The following CFAP43 variants were observed in gnomAD, a reference collection of about 807,000 sequenced individuals.
CFAP43 encodes the protein cilia- and flagella-associated protein 43.
A neutral mutation model predicts 218.9 loss-of-function variants in CFAP43; 155 were observed. That is an observed-to-expected ratio of 0.71 (90% CI 0.62 to 0.81). The LOEUF is 0.81. Among genes scored for constraint, CFAP43 ranks in the 30% least tolerant of loss-of-function variants. The probability of loss-of-function intolerance (pLI) is 0.00; values close to 1 mark genes in which losing one functional copy is unlikely to be tolerated. For missense variants in CFAP43, 1,778 were observed against 1,954.3 expected (o/e 0.91, Z 1.70); for synonymous variants, 645 against 681.3 (o/e 0.95, Z 0.83).
chr10:104,144,227 G>C (rs983167870), intron 31 of CFAP43, among the ~76,000 whole-genome samples: 13 of 152,216 alleles, frequency 8.5e-5, no homozygotes, highest in African/African-American at 3.1e-4. Context: ...GACAGGTGTT[G>C]AAGTTAGGAT....
At chr10:104,174,898 A>AT (rs2089556909) in intron 19 of CFAP43, among the ~76,000 whole-genome samples, 1 of 151,580 alleles carries the variant, frequency 6.6e-6, no homozygotes, top group South Asian at 2.1e-4. Context: ...TACTAAAAAT[A>AT]CAAAAAATCA....
chr10:104,161,211 G>A, intron 26 of CFAP43, 49 bp from the exon 27 acceptor site: 1 of 1,576,932 alleles, frequency 6.3e-7, no homozygotes, highest in Non-Finnish European at 8.6e-7. Context: ...GTTAAATGCA[G>A]TAGTACAGTA....
At chr10:104,201,143 T>C (rs1295495767) in intron 8 of CFAP43, among the ~76,000 whole-genome samples, 1 of 152,236 alleles carries the variant, frequency 6.6e-6, no homozygotes, top group Non-Finnish European at 1.5e-5. Context: ...AAGGCTATGC[T>C]ATTAGGTACA....
intron 18 of CFAP43, 49 bp from the exon 19 acceptor site, chr10:104,179,155 CAGAGAGAGAGAG>C (rs60561340): frequency 2.8e-6 from 3 of 1,066,682 alleles, no homozygotes; most frequent in Middle Eastern, 2.3e-4. Context: ...AAATATCAGA[CAGAGAGAGAGAG>C]AGAGAGAGAG....
At chr10:104,131,098 T>C (rs886269254) in intron 37 of CFAP43, among the ~76,000 whole-genome samples, 4 of 151,066 alleles carry the variant, frequency 2.6e-5, no homozygotes, top group African/African-American at 4.9e-5. Context: ...GGTACTATGC[T>C]CAGTACCTGT....
Position 104,133,879 on chromosome 10 carries a change from G to T in CFAP43, c.4432-95C>A, listed in dbSNP as rs1300152798. 5.2e-6 allele frequency: 6 copies of T among 1,148,768 alleles called. No homozygotes were observed. In the East Asian group the frequency reaches 1.3e-4, roughly 24 times the overall value. 71.2% of individuals were successfully genotyped at this position (1,148,768 alleles called of 1,614,324 possible). On this transcript the variant is annotated intron_variant, in intron 34 of 37. Coordinates refer to ENST00000357060, the MANE Select transcript of CFAP43 (RefSeq NM_025145.7). ...AATGCTATTTTTAGAAAATACTTGG[G>T]TCACAGAGATAATTCTGTCTTCTTT...
chr10:104,172,565 C>T lies in CFAP43; in HGVS notation c.2461-30G>A, dbSNP rs1196002718. The T allele has an allele frequency of 2.6e-6, 4 of 1,551,090 alleles. No individual in the cohort carries two copies. In the African/African-American group the frequency reaches 4.2e-5, roughly 16 times the overall value. Reference sequence around the variant, plus strand: ...ATGTTGAAATAAAAAAGAGTGCTGACAAGTAAAGAATTAAACTGTAATAAG... The same window carrying T: ...ATGTTGAAATAAAAAAGAGTGCTGATAAGTAAAGAATTAAACTGTAATAAG... On this transcript the variant is annotated intron_variant, in intron 19 of 37. Coordinates refer to ENST00000357060, the MANE Select transcript of CFAP43 (RefSeq NM_025145.7).
rs2090882869 is a variant in CFAP43, at chr10:104,212,135, C to T, written c.607G>A (p.Asp203Asn). The T allele has an allele frequency of 1.9e-6, 3 of 1,613,722 alleles. No individual in the cohort carries two copies. Among genetic ancestry groups the T allele is most frequent in the Middle Eastern group, 1.6e-4 (1 of 6,084 alleles). ...TCCGTTTCATTAAAAAATGACCCATCTTCTAGAGGTAATTTCACCGACCTG... is the reference window on the plus strand; with the variant it reads ...TCCGTTTCATTAAAAAATGACCCATTTTCTAGAGGTAATTTCACCGACCTG... ...RARSVKLPLE[D>N]GSFFNETDVV... Residue 203 changes from aspartate to asparagine, a missense_variant, in exon 5 of 38, where the codon GAT becomes AAT. This residue lies in a region of CFAP43 where 1,553 missense variants were observed against 1,685.2 expected (regional missense o/e 0.92). Transcript: ENST00000357060.
intron 27 of CFAP43, among the ~76,000 whole-genome samples, chr10:104,157,227 T>G (rs1288803819): frequency 6.6e-6 from 1 of 152,188 alleles, no homozygotes; most frequent in East Asian, 1.9e-4. Flanking sequence ...GGACTCTGTT[T>G]AGTTCTCAGT....
At chr10:104,208,196 C>G (rs915821064) in intron 5 of CFAP43, among the ~76,000 whole-genome samples, 1 of 152,102 alleles carries the variant, frequency 6.6e-6, no homozygotes, top group Non-Finnish European at 1.5e-5. Flanking sequence ...AGTTATTCAC[C>G]GTTATCACCA....
chr10:104,225,542 T>C lies in CFAP43; in HGVS notation c.335A>G (p.Asp112Gly). Reference protein sequence around the residue: ...RTKLKGNILLDYTLLSFSYCG... With the variant: ...RTKLKGNILLGYTLLSFSYCG... ...GTAACTGAATGAAAGTAAAGTGTAG[T>C]CCAGGAGAATGTTGCCTAAAATATA... Residue 112 changes from aspartate (D) to glycine (G), a missense_variant, in exon 3 of 38, where the codon GAC becomes GGC. Coordinates refer to ENST00000357060, the MANE Select transcript of CFAP43 (RefSeq NM_025145.7). 6.2e-7 allele frequency: 1 copy of C among 1,611,374 alleles called. No individual in the cohort carries two copies. The highest frequency in any genetic ancestry group is 8.5e-7 in the Non-Finnish European group (1 of 1,178,608).
At chr10:104,202,818 G>GTT (rs5787513) in intron 8 of CFAP43, among the ~76,000 whole-genome samples, 46 of 141,582 alleles carry the variant, frequency 3.2e-4, no homozygotes, top group African/African-American at 5.4e-4. Context: ...AGTTAGCATA[G>GTT]TTTTTTTTTT....
chr10:104,179,090 A>T lies in CFAP43; in HGVS notation c.2399T>A (p.Val800Asp). 6.2e-7 allele frequency: 1 copy of T among 1,613,168 alleles called. No individual in the cohort carries two copies. The highest frequency in any genetic ancestry group is 1.1e-5 in the South Asian group (1 of 90,992). Residue 800 changes from valine to aspartate, a missense_variant, in exon 19 of 38, where the codon GTT becomes GAT. This residue lies in a region of CFAP43 where 1,553 missense variants were observed against 1,685.2 expected (regional missense o/e 0.92). Transcript: ENST00000357060. ...QKSQEAIKKEVNLFSKKRKEI... is the reference protein window; with the variant it reads ...QKSQEAIKKEDNLFSKKRKEI... ...TTTCCTTTTCTTGGAAAACAGATTAACCTCCTTTTTGATGGCCTGAAACAG... is the reference window on the plus strand; with the variant it reads ...TTTCCTTTTCTTGGAAAACAGATTATCCTCCTTTTTGATGGCCTGAAACAG...
chr10:104,160,097 G>A (rs2088795300), intron 27 of CFAP43, among the ~76,000 whole-genome samples: 2 of 152,206 alleles, frequency 1.3e-5, no homozygotes, highest in African/African-American at 4.8e-5. Flanking sequence ...CAAGGCTGGG[G>A]TTTCAGCAGG....
At chr10:104,169,989 GGCCGGGGTAGGGTAGTAGCCT>G (rs2089340266) in intron 20 of CFAP43, among the ~76,000 whole-genome samples, 1 of 152,072 alleles carries the variant, frequency 6.6e-6, no homozygotes, top group Non-Finnish European at 1.5e-5. Context: ...TTGGGATCCT[GGCCGGGGTAGGGTAGTAGCCT>G]AGTCTCTCAT....
Position 104,198,645 on chromosome 10 carries a change from A to T in CFAP43, c.1096-607T>A, listed in dbSNP as rs577575002. 3.0e-4 allele frequency among the ~76,000 whole-genome samples: 46 copies of T among 151,482 alleles called. No individual in the cohort carries two copies. In the East Asian group the frequency reaches 9.1e-3, roughly 30 times the overall value. The stretch of plus-strand genomic sequence containing the variant: ...ATTCGTTTTTTATTTTTAATTTTTT[A>T]AAATTTCATTATTTTGTGTGTGTGT... On this transcript the variant is annotated intron_variant, in intron 8 of 37. Transcript: ENST00000357060.
At chr10:104,131,071 G>A (rs1301886992) in intron 37 of CFAP43, among the ~76,000 whole-genome samples, 2 of 150,570 alleles carry the variant, frequency 1.3e-5, no homozygotes, top group Non-Finnish European at 3.0e-5. Context: ...GAGGGAGGAA[G>A]GGCTGAAAAA....
chr10:104,159,899 C>T (rs1182492514), intron 27 of CFAP43, among the ~76,000 whole-genome samples: 1 of 152,090 alleles, frequency 6.6e-6, no homozygotes, highest in African/African-American at 2.4e-5. Flanking sequence ...TAACAAATCC[C>T]CCAGGTGATG....
chr10:104,141,808 C>T (rs1235074705), intron 33 of CFAP43, among the ~76,000 whole-genome samples: 3 of 152,012 alleles, frequency 2.0e-5, no homozygotes, highest in Admixed American at 6.6e-5. Context: ...AAGTATTTAT[C>T]GATGAGGCTA....
Sources: gnomAD v4.1 joint callset for allele counts (sites outside exome capture counted in the v4.1 genomes callset) on GRCh38, gnomAD v4.1.1 for gene constraint, gnomAD v4.1.1 regional missense constraint, MANE v1.5 for transcripts, NCBI Gene and HGNC (gene_info 2026-07-23, HGNC 2026-07-21) for gene names.